Variants in SNX29 observed in about 807,000 individuals in gnomAD.
SNX29 encodes sorting nexin 29.
SNX29 carries 78 observed loss-of-function variants against 102.1 expected under a neutral mutation model. That is an observed-to-expected ratio of 0.76 (90% confidence interval 0.64 to 0.92). SNX29 has a LOEUF of 0.92. Among genes scored for constraint, SNX29 ranks in the 40% least tolerant of loss-of-function variants. The pLI is 0.00. For synonymous variants in SNX29, 580 were observed against 414.5 expected, an observed-to-expected ratio of 1.40 and a Z score of -4.85; for missense variants, 1,280 against 1,061.7, an observed-to-expected ratio of 1.21 and a Z score of -2.86.
chr16:12,508,066 T>C (rs775225016), intron 19 of SNX29, among the ~76,000 whole-genome samples: 12 of 152,210 alleles, frequency 7.9e-5, no homozygotes, highest in Non-Finnish European at 1.6e-4. Flanking sequence ...TTGATCTCTG[T>C]GAGTTTCAGT....
At chr16:12,157,685 G>T (rs142977816) in intron 13 of SNX29, among the ~76,000 whole-genome samples, 1 of 152,196 alleles carries the variant, frequency 6.6e-6, no homozygotes, top group Non-Finnish European at 1.5e-5. Flanking sequence ...TCAAGTTCAT[G>T]TGAGCTCGTA....
At chr16:12,365,495 G>A (rs1412346600) in intron 16 of SNX29, among the ~76,000 whole-genome samples, 1 of 149,028 alleles carries the variant, frequency 6.7e-6, no homozygotes, top group Non-Finnish European at 1.5e-5. Flanking sequence ...TTCGAGACCG[G>A]CCTGGCCAAC....
chr16:12,228,815 C>G (rs1431454374), intron 14 of SNX29, among the ~76,000 whole-genome samples: 1 of 152,220 alleles, frequency 6.6e-6, no homozygotes, highest in Non-Finnish European at 1.5e-5. Flanking sequence ...GCTAGGGGCA[C>G]AGAGACTTGA....
chr16:12,027,147 G>C (rs2057214920), intron 3 of SNX29, among the ~76,000 whole-genome samples, 173 bp from the exon 4 acceptor site: 1 of 152,226 alleles, frequency 6.6e-6, no homozygotes, highest in African/African-American at 2.4e-5. Flanking sequence ...CAACACGGGA[G>C]GTGTGTGGAG....
chr16:12,410,780 G>A (rs111246818), intron 18 of SNX29, among the ~76,000 whole-genome samples: 2,460 of 152,324 alleles, frequency 0.016, 50 homozygotes, highest in African/African-American at 0.039. Context: ...ATTTATATAT[G>A]TAATGCAGGG....
intron 13 of SNX29, among the ~76,000 whole-genome samples, chr16:12,172,121 TAAC>T (rs2076162971): frequency 6.6e-6 from 1 of 152,214 alleles, no homozygotes; most frequent in Admixed American, 6.5e-5. Context: ...TTTATAGACT[TAAC>T]AACATGAAGT....
intron 15 of SNX29, among the ~76,000 whole-genome samples, chr16:12,282,874 C>G (rs919722984): frequency 6.6e-6 from 1 of 152,158 alleles, no homozygotes; most frequent in African/African-American, 2.4e-5. Flanking sequence ...CCAGGCTGGT[C>G]TCGAACACCT....
At chr16:12,176,363 G>T (rs575031951) in intron 13 of SNX29, among the ~76,000 whole-genome samples, 4 of 152,264 alleles carry the variant, frequency 2.6e-5, no homozygotes, top group Admixed American at 6.5e-5. Flanking sequence ...ACCTTTCCGT[G>T]CCCCGGTTTC....
intron 19 of SNX29, among the ~76,000 whole-genome samples, chr16:12,501,120 C>G (rs2151893096): frequency 6.6e-6 from 1 of 152,238 alleles, no homozygotes; most frequent in South Asian, 2.1e-4. Context: ...CAGATTTATT[C>G]AAGAATTGTG....
chr16:12,252,871 T>C (rs990194201), intron 14 of SNX29, among the ~76,000 whole-genome samples: 1 of 152,208 alleles, frequency 6.6e-6, no homozygotes, highest in African/African-American at 2.4e-5. Flanking sequence ...CTTCCAGCTG[T>C]CTAATTGCTC....
At chr16:12,038,647 T>G (rs375619534) in intron 4 of SNX29, 93 of 152,352 alleles carry the variant, frequency 6.1e-4, no homozygotes, top group East Asian at 3.1e-3. Flanking sequence ...CTTATCATCA[T>G]CAGCATCACC....
chr16:12,219,509 T>C (rs576186097), intron 14 of SNX29, among the ~76,000 whole-genome samples: 41 of 152,340 alleles, frequency 2.7e-4, no homozygotes, highest in African/African-American at 9.4e-4. Flanking sequence ...GCTAATGACA[T>C]ACAACCTGTA....
intron 15 of SNX29, among the ~76,000 whole-genome samples, chr16:12,295,386 T>A (rs1410207517): frequency 1.3e-5 from 2 of 152,242 alleles, no homozygotes; most frequent in Non-Finnish European, 2.9e-5. Flanking sequence ...ACCCAAGGAC[T>A]TTTTCTTGCC....
Position 12,561,507 on chromosome 16 carries a change from T to C in SNX29, c.2319-6999T>C, listed in dbSNP as rs553151270. On this transcript the variant is annotated intron_variant, in intron 20 of 20. Coordinates refer to ENST00000566228, the MANE Select transcript of SNX29 (RefSeq NM_032167.5). ...CGGCTCGCCAGACCCAGATCACAGG[T>C]GAAACAAAGTGAAAAGTTAGTCTCT... is the stretch of plus-strand genomic sequence containing the variant. Among the ~76,000 whole-genome samples, 3 of 152,012 alleles carry C rather than the reference T, an allele frequency of 2.0e-5. No individual in the cohort carries two copies. The South Asian group carries it at 6.3e-4, about 32-fold the overall frequency.
intron 8 of SNX29, among the ~76,000 whole-genome samples, chr16:12,061,053 C>G (rs1167768077): frequency 6.6e-6 from 1 of 152,186 alleles, no homozygotes; most frequent in African/African-American, 2.4e-5. Context: ...GTGCTGTCCC[C>G]TTCCCCAAGC....
chr16:12,494,242 A>T (rs1166372268), intron 19 of SNX29, among the ~76,000 whole-genome samples: 5 of 152,036 alleles, frequency 3.3e-5, no homozygotes, highest in African/African-American at 1.2e-4. Flanking sequence ...CTCCATTCAC[A>T]CTAGACCCCA....
At chr16:12,547,303 C>G (rs907377407) in intron 20 of SNX29, among the ~76,000 whole-genome samples, 4 of 152,140 alleles carry the variant, frequency 2.6e-5, no homozygotes, top group Non-Finnish European at 5.9e-5. Context: ...AGCAAGGAAG[C>G]CAGGGTAGCC....
chr16:12,174,490 G>C (rs547100032), intron 13 of SNX29, among the ~76,000 whole-genome samples: 6 of 152,184 alleles, frequency 3.9e-5, no homozygotes, highest in Non-Finnish European at 7.3e-5. Context: ...TTGAGCTCTG[G>C]GCAGATGGGA....
intron 15 of SNX29, among the ~76,000 whole-genome samples, chr16:12,354,441 C>T (rs2082075254): frequency 6.6e-6 from 1 of 152,178 alleles, no homozygotes; most frequent in South Asian, 2.1e-4. Context: ...ATGGTAAACA[C>T]AACTTGGATC....
Sources: allele counts gnomAD v4.1 joint callset (sites outside exome capture counted in the v4.1 genomes callset), GRCh38; gene constraint gnomAD v4.1.1; transcripts MANE v1.5; gene names NCBI Gene and HGNC (gene_info 2026-07-23, HGNC 2026-07-21).